NAV3: variants seen among roughly 807,000 people sequenced by gnomAD.
NAV3 encodes the protein pore membrane and/or filament interacting like protein 1.
NAV3 carries 87 observed loss-of-function variants against 244.7 expected under a neutral mutation model. The ratio of observed to expected loss-of-function variants is 0.36; its 90% CI spans 0.30 to 0.42. NAV3 has a LOEUF of 0.42. Ranked by LOEUF, NAV3 falls within the 20% of genes least tolerant of loss-of-function variation. The probability of loss-of-function intolerance (pLI) is 1.00; values close to 1 mark genes in which losing one functional copy is unlikely to be tolerated. For synonymous variants in NAV3, 1,126 were observed against 1,042.2 expected, an observed-to-expected ratio of 1.08 and a Z score of -1.55; for missense variants, 2,663 against 2,893.3, an observed-to-expected ratio of 0.92 and a Z score of 1.83.
At chr12:77,842,371 CTT>C (rs1489986274) in intron 1 of NAV3, among the ~76,000 whole-genome samples, 8 of 151,980 alleles carry the variant, frequency 5.3e-5, no homozygotes, top group Non-Finnish European at 7.4e-5. Context: ...AGGTCTCTCT[CTT>C]GGTCCTGCAC....
chr12:77,965,814 A>G (rs1044711753), intron 3 of NAV3, among the ~76,000 whole-genome samples: 10 of 152,144 alleles, frequency 6.6e-5, no homozygotes, highest in Non-Finnish European at 7.4e-5. Context: ...GTCTCCATCT[A>G]TCTATCTTTT....
chr12:77,631,035 T>A (rs1324837069), intron 2 of NAV3, among the ~76,000 whole-genome samples: 2 of 152,216 alleles, frequency 1.3e-5, no homozygotes, highest in Non-Finnish European at 2.9e-5. Flanking sequence ...TATGAATAAG[T>A]TTCTGTGTTT....
chr12:78,127,463 TAAAC>T (rs542102606), intron 17 of NAV3, among the ~76,000 whole-genome samples: 95 of 152,216 alleles, frequency 6.2e-4, no homozygotes, highest in South Asian at 3.7e-3. Context: ...GAAATAATAC[TAAAC>T]AAACAAACAA....
At chr12:78,005,980 C>G (rs1874138575) in intron 7 of NAV3, among the ~76,000 whole-genome samples, 1 of 152,234 alleles carries the variant, frequency 6.6e-6, no homozygotes, top group Middle Eastern at 3.4e-3. Flanking sequence ...GAGATCTCAG[C>G]TCACTGCAAC....
intron 28 of NAV3, among the ~76,000 whole-genome samples, chr12:78,177,921 A>T (rs998161140): frequency 1.1e-5 from 1 of 94,792 alleles, no homozygotes; most frequent in Non-Finnish European, 3.1e-5. Flanking sequence ...GTAGTACAGT[A>T]GCCCCCCGTT....
intron 12 of NAV3, among the ~76,000 whole-genome samples, chr12:78,068,733 A>G (rs1952606993): frequency 6.7e-6 from 1 of 150,122 alleles, no homozygotes; most frequent in African/African-American, 2.4e-5. Flanking sequence ...TGAAATATCT[A>G]TTTCTAACAG....
At chr12:78,127,250 A>G (rs1171739542) in intron 17 of NAV3, 42 bp downstream of exon 17, 2 of 1,581,998 alleles carry the variant, frequency 1.3e-6, no homozygotes, top group Admixed American at 1.7e-5. Context: ...CTCTGTTGTT[A>G]TGTAAACTTT....
At chr12:77,937,711 C>A (rs1049652742) in intron 1 of NAV3, among the ~76,000 whole-genome samples, 2 of 152,116 alleles carry the variant, frequency 1.3e-5, no homozygotes, top group Admixed American at 1.3e-4. Context: ...GGAGTAGTGT[C>A]AGAAGCAATT....
chr12:77,887,563 T>C (rs1057416034), intron 1 of NAV3, among the ~76,000 whole-genome samples: 1 of 152,180 alleles, frequency 6.6e-6, no homozygotes, highest in African/African-American at 2.4e-5. Flanking sequence ...ATATCTACTT[T>C]GTTTATTCTT....
intron 2 of NAV3, among the ~76,000 whole-genome samples, chr12:77,758,482 A>G (rs1336709271): frequency 6.6e-6 from 1 of 152,168 alleles, no homozygotes; most frequent in Admixed American, 6.5e-5. Context: ...AAACAAGCAC[A>G]GGGGCCCCAT....
At chr12:77,768,060 G>A (rs755698352) in intron 2 of NAV3, among the ~76,000 whole-genome samples, 2 of 152,214 alleles carry the variant, frequency 1.3e-5, no homozygotes, top group African/African-American at 2.4e-5. Context: ...TCCAACAAGT[G>A]TGCAGCCCTC....
chr12:77,926,385 C>A (rs923400594), intron 1 of NAV3, among the ~76,000 whole-genome samples: 2 of 152,044 alleles, frequency 1.3e-5, no homozygotes, highest in Admixed American at 6.6e-5. Flanking sequence ...TCTTACCTTC[C>A]CTTACCTCCC....
rs539963605 is a variant in NAV3 at position 77,640,707 on chromosome 12, A to G, written c.72+68441A>G. ...TAGATTTTATGTGCTCTTATCACACATATAAAATGTAGCTATGAAAGGTTA... is the reference window on the plus strand; with the variant it reads ...TAGATTTTATGTGCTCTTATCACACGTATAAAATGTAGCTATGAAAGGTTA... On this transcript the variant is annotated intron_variant, in intron 2 of 8. Transcript: ENST00000550042. Among the ~76,000 whole-genome samples the G allele has an allele frequency of 3.3e-5, 5 of 152,298 alleles. No individual in the cohort carries two copies. In the South Asian group the frequency reaches 1.0e-3, roughly 32 times the overall value.
At chr12:77,830,559 A>G (rs964374851), upstream of NAV3, among the ~76,000 whole-genome samples, 1 of 152,224 alleles carries the variant, frequency 6.6e-6, no homozygotes, top group African/African-American at 2.4e-5. Context: ...TGATTACTAC[A>G]TATTTAGTGC....
chr12:78,191,953 T>A (rs955470008), intron 34 of NAV3, among the ~76,000 whole-genome samples: 1 of 152,150 alleles, frequency 6.6e-6, no homozygotes, highest in African/African-American at 2.4e-5. Flanking sequence ...ACCATGACAT[T>A]TTGATAAAGT....
intron 7 of NAV3, among the ~76,000 whole-genome samples, chr12:78,005,115 C>T (rs911008517): frequency 1.2e-4 from 18 of 152,070 alleles, no homozygotes; most frequent in African/African-American, 4.3e-4. Flanking sequence ...ATCAACCCCA[C>T]CGAAGCTCCC....
chr12:78,178,361 A>C (rs113190252), intron 28 of NAV3, among the ~76,000 whole-genome samples: 1 of 151,888 alleles, frequency 6.6e-6, no homozygotes, highest in South Asian at 2.1e-4. Flanking sequence ...GGGTTTCACC[A>C]TGTTGGCCAG....
chr12:77,647,044 G>T (rs1461855772), intron 2 of NAV3, among the ~76,000 whole-genome samples: 1 of 143,774 alleles, frequency 7.0e-6, no homozygotes, highest in Admixed American at 7.0e-5. Flanking sequence ...TATATACATG[G>T]TGTATGTGTG....
chr12:78,203,854 T>TC (rs397973688), intron 38 of NAV3, among the ~76,000 whole-genome samples: 3 of 151,562 alleles, frequency 2.0e-5, no homozygotes, highest in Non-Finnish European at 2.9e-5. Context: ...TTTTTTTTTT[T>TC]CACAATGTCT....
Sources: allele counts gnomAD v4.1 joint callset (sites outside exome capture counted in the v4.1 genomes callset), GRCh38; gene constraint gnomAD v4.1.1; transcripts MANE v1.5; gene names NCBI Gene and HGNC (gene_info 2026-07-23, HGNC 2026-07-21).